The following CTNNA3 variants were observed in gnomAD, a reference collection of about 807,000 sequenced individuals.
The protein encoded by CTNNA3 is catenin alpha 3.
Under a neutral mutation model 95.7 loss-of-function variants are expected in CTNNA3, and 76 were observed. The ratio of observed to expected loss-of-function variants is 0.79; its 90% CI spans 0.66 to 0.96. CTNNA3 has a LOEUF of 0.96. CTNNA3 is among the 40% of genes least tolerant of loss of function. The pLI is 0.00. For synonymous variants in CTNNA3, 431 were observed against 374.4 expected, an observed-to-expected ratio of 1.15 and a Z score of -1.74; for missense variants, 1,191 against 1,089.8, an observed-to-expected ratio of 1.09 and a Z score of -1.31.
At chr10:66,155,972 A>G (rs1008295356) in intron 13 of CTNNA3, among the ~76,000 whole-genome samples, 3 of 151,960 alleles carry the variant, frequency 2.0e-5, no homozygotes, top group Non-Finnish European at 4.4e-5. Context: ...GATTGAAAAG[A>G]CACTTTATCA....
intron 13 of CTNNA3, among the ~76,000 whole-genome samples, chr10:66,165,559 C>T (rs1162414651): frequency 6.6e-6 from 1 of 151,866 alleles, no homozygotes; most frequent in Non-Finnish European, 1.5e-5. Flanking sequence ...TCTAAAAACC[C>T]AATGAGTCCT....
At chr10:66,989,047 C>T (rs1589555644) in intron 7 of CTNNA3, among the ~76,000 whole-genome samples, 1 of 151,586 alleles carries the variant, frequency 6.6e-6, no homozygotes, top group Non-Finnish European at 1.5e-5. Context: ...GTCTCGTTAC[C>T]TCTCATAGCA....
chr10:67,761,286 T>G (rs1441648873), intron 1 of CTNNA3, among the ~76,000 whole-genome samples: 1 of 152,202 alleles, frequency 6.6e-6, no homozygotes, highest in African/African-American at 2.4e-5. Flanking sequence ...GGCAAGCTAT[T>G]CATGGGCCAC....
intron 7 of CTNNA3, among the ~76,000 whole-genome samples, chr10:67,035,405 C>T (rs1280493601): frequency 1.3e-5 from 2 of 151,862 alleles, no homozygotes; most frequent in East Asian, 1.9e-4. Flanking sequence ...TATTTATATG[C>T]GTTATTTAAA....
chr10:67,424,480 T>C (rs1004444653), intron 5 of CTNNA3, among the ~76,000 whole-genome samples: 2 of 152,136 alleles, frequency 1.3e-5, no homozygotes, highest in African/African-American at 4.8e-5. Flanking sequence ...ATAAGTTAAT[T>C]CATTCTTCTT....
intron 10 of CTNNA3, among the ~76,000 whole-genome samples, chr10:66,579,854 A>G (rs1194501393): frequency 1.3e-5 from 2 of 151,690 alleles, no homozygotes; most frequent in African/African-American, 4.8e-5. Context: ...TGTCATCTGA[A>G]CGTTCTTTTT....
intron 1 of CTNNA3, among the ~76,000 whole-genome samples, chr10:67,710,217 T>C (rs906146890): frequency 9.2e-5 from 14 of 152,024 alleles, no homozygotes; most frequent in African/African-American, 3.4e-4. Context: ...CAGACTGGCA[T>C]AGCACAACCT....
chr10:67,298,093 G>C (rs1413925726), intron 5 of CTNNA3, among the ~76,000 whole-genome samples: 2 of 152,166 alleles, frequency 1.3e-5, no homozygotes, highest in African/African-American at 4.8e-5. Context: ...ATCCCAAACT[G>C]AATCATATCG....
intron 7 of CTNNA3, among the ~76,000 whole-genome samples, chr10:66,801,638 C>A (rs1327821102): frequency 1.3e-5 from 2 of 151,590 alleles, no homozygotes; most frequent in Non-Finnish European, 3.0e-5. Context: ...ATGCCCTATG[C>A]ATGTATTGAA....
chr10:66,527,473 A>G lies in CTNNA3; in HGVS notation c.1375-6700T>C, dbSNP rs543669062. On this transcript the variant is annotated intron_variant, in intron 10 of 17. Transcript: ENST00000433211. The stretch of plus-strand genomic sequence containing the variant: ...CATTGTTGGTATTTTGATAGGGATT[A>G]CATTGAACTGGTACATTGCTTTGGT... Among the ~76,000 whole-genome samples, 3 of 152,270 alleles carry G rather than the reference A, an allele frequency of 2.0e-5. No individual in the cohort carries two copies. The East Asian group carries it at 5.8e-4, about 29-fold the overall frequency.
Position 66,642,279 on chromosome 10 carries a change from A to ACACACACACACAC in CTNNA3, c.1282-20496_1282-20495insGTGTGTGTGTGTG, listed in dbSNP as rs1554828894. On this transcript the variant is annotated intron_variant, in intron 9 of 17. Coordinates refer to ENST00000433211, the MANE Select transcript of CTNNA3 (RefSeq NM_013266.4). ...ATACACACACACACACACACACACA[A>ACACACACACACAC]ACACACACACACACACACACACACA... is the stretch of plus-strand genomic sequence containing the variant. Among the ~76,000 whole-genome samples the ACACACACACACAC allele has an allele frequency of 1.6e-4, 10 of 61,420 alleles. No homozygotes were observed. The South Asian group carries it at 5.8e-3, about 36-fold the overall frequency. The allele number at this position is 61,420 out of a possible 152,430, so 40.3% of individuals were successfully genotyped here.
At chr10:67,287,345 A>G (rs527279970) in intron 5 of CTNNA3, among the ~76,000 whole-genome samples, 3 of 152,148 alleles carry the variant, frequency 2.0e-5, no homozygotes, top group Admixed American at 6.5e-5. Context: ...CTTGTAAAAA[A>G]AAAGAAAAGA....
intron 13 of CTNNA3, among the ~76,000 whole-genome samples, chr10:66,220,224 T>C (rs1031755746): frequency 6.9e-6 from 1 of 144,362 alleles, no homozygotes; most frequent in African/African-American, 2.5e-5. Context: ...CCAAAAAATG[T>C]GGTTTTAAGC....
intron 14 of CTNNA3, among the ~76,000 whole-genome samples, chr10:66,076,860 G>A (rs1007603010): frequency 6.6e-6 from 1 of 151,672 alleles, no homozygotes; most frequent in Non-Finnish European, 1.5e-5. Flanking sequence ...CACAATCATG[G>A]AAATGAGTTC....
intron 7 of CTNNA3, among the ~76,000 whole-genome samples, chr10:66,895,530 T>G (rs140912978): frequency 2.4e-3 from 364 of 152,280 alleles, no homozygotes; most frequent in African/African-American, 8.2e-3. Context: ...TTCAGCTTCT[T>G]TCTTTCTTTT....
intron 7 of CTNNA3, among the ~76,000 whole-genome samples, chr10:66,937,273 A>C (rs1847758500): frequency 6.6e-6 from 1 of 152,144 alleles, no homozygotes; most frequent in South Asian, 2.1e-4. Flanking sequence ...TGTGTAAAAC[A>C]ATGTAGTTAT....
Position 66,519,141 on chromosome 10 carries a change from A to C in CTNNA3, c.1531+1476T>G, listed in dbSNP as rs1840965829. Among the ~76,000 whole-genome samples, 5 of 152,280 alleles carry C rather than the reference A, an allele frequency of 3.3e-5. No individual in the cohort carries two copies. In the South Asian group the frequency reaches 1.0e-3, roughly 32 times the overall value. ...GAAAAATGTATATATAATTTATTTT[A>C]GACAGAGGATTACTTTTTGAGAGAA... On this transcript the variant is annotated intron_variant, in intron 11 of 17. Transcript: ENST00000433211.
intron 11 of CTNNA3, among the ~76,000 whole-genome samples, chr10:66,461,689 A>G (rs892290068): frequency 1.1e-4 from 16 of 149,244 alleles, no homozygotes; most frequent in Non-Finnish European, 1.5e-4. Flanking sequence ...ATATATGTAT[A>G]TATATATATA....
At chr10:66,403,343 ACCAGG>A (rs2093034458) in intron 11 of CTNNA3, among the ~76,000 whole-genome samples, 2 of 152,146 alleles carry the variant, frequency 1.3e-5, no homozygotes, top group Admixed American at 6.5e-5. Context: ...CATACCTGTG[ACCAGG>A]TAATTGATAA....
Sources: gnomAD v4.1 joint callset for allele counts (sites outside exome capture counted in the v4.1 genomes callset) on GRCh38, gnomAD v4.1.1 for gene constraint, MANE v1.5 for transcripts, NCBI Gene and HGNC (gene_info 2026-07-23, HGNC 2026-07-21) for gene names.